ZNF385D: variants seen among roughly 807,000 people sequenced by gnomAD.
ZNF385D encodes zinc finger protein 385D.
Under a neutral mutation model 35.8 loss-of-function variants are expected in ZNF385D, and 15 were observed. The ratio of observed to expected loss-of-function variants is 0.42; its 90% CI spans 0.28 to 0.64. The LOEUF (loss-of-function observed/expected upper bound fraction) is 0.64. Ranked by LOEUF, ZNF385D falls within the 30% of genes least tolerant of loss-of-function variation. The pLI is 0.23. For missense variants in ZNF385D, 474 were observed against 494.6 expected, an observed-to-expected ratio of 0.96 and a Z score of 0.39; for synonymous variants, 212 against 186.8, an observed-to-expected ratio of 1.13 and a Z score of -1.10.
intron 4 of ZNF385D, among the ~76,000 whole-genome samples, chr3:21,456,290 T>C (rs568230625): frequency 1.8e-4 from 28 of 152,334 alleles, no homozygotes; most frequent in African/African-American, 6.7e-4. Flanking sequence ...CGCACATGTA[T>C]GTTTATTGTG....
chr3:21,481,021 C>T (rs1212002557), intron 4 of ZNF385D, among the ~76,000 whole-genome samples: 4 of 152,074 alleles, frequency 2.6e-5, no homozygotes, highest in Admixed American at 1.3e-4. Flanking sequence ...AGTTGATTAA[C>T]TGAAGCTTAC....
chr3:21,958,316 G>C (rs1050070739), intron 3 of ZNF385D, among the ~76,000 whole-genome samples: 1 of 152,100 alleles, frequency 6.6e-6, no homozygotes, highest in Admixed American at 6.6e-5. Context: ...CATGGGCTTT[G>C]CTGTCAGGCC....
intron 1 of ZNF385D, among the ~76,000 whole-genome samples, chr3:21,711,032 T>G: frequency 7.3e-6 from 1 of 137,764 alleles, no homozygotes; most frequent in African/African-American, 2.7e-5. Context: ...TCCTTATCCC[T>G]CTAAAAGTTT....
intron 2 of ZNF385D, among the ~76,000 whole-genome samples, chr3:21,650,222 T>C (rs951667682): frequency 5.3e-5 from 8 of 152,262 alleles, no homozygotes; most frequent in Admixed American, 2.6e-4. Context: ...AACTACAGAA[T>C]TGCATATTAA....
intron 2 of ZNF385D, among the ~76,000 whole-genome samples, chr3:22,334,029 T>C (rs2125465191): frequency 6.6e-6 from 1 of 152,348 alleles, no homozygotes; most frequent in South Asian, 2.1e-4. Flanking sequence ...TTATTTCATC[T>C]TACCTAGACT....
intron 3 of ZNF385D, among the ~76,000 whole-genome samples, chr3:22,008,163 A>G (rs1437885453): frequency 6.6e-6 from 1 of 152,080 alleles, no homozygotes; most frequent in African/African-American, 2.4e-5. Context: ...TTGGAACCGA[A>G]GCTCCTCATA....
chr3:21,453,074 G>A (rs1702562759), intron 4 of ZNF385D, among the ~76,000 whole-genome samples: 1 of 151,664 alleles, frequency 6.6e-6, no homozygotes, highest in South Asian at 2.1e-4. Flanking sequence ...ATACATTTAT[G>A]GCCAATTTAT....
intron 3 of ZNF385D, among the ~76,000 whole-genome samples, chr3:21,981,873 A>G (rs574805170): frequency 6.6e-6 from 1 of 152,214 alleles, no homozygotes; most frequent in South Asian, 2.1e-4. Context: ...AGATGTTCAT[A>G]GATATGTGGC....
At chr3:22,121,767 C>A (rs1232199029) in intron 3 of ZNF385D, among the ~76,000 whole-genome samples, 3 of 151,088 alleles carry the variant, frequency 2.0e-5, no homozygotes, top group South Asian at 4.2e-4. Context: ...TTCCCTTTCT[C>A]TTGGGTTTCA....
At chr3:22,187,589 G>A (rs1219244070) in intron 2 of ZNF385D, among the ~76,000 whole-genome samples, 1 of 151,934 alleles carries the variant, frequency 6.6e-6, no homozygotes, top group Admixed American at 6.6e-5. Context: ...GAAGAAACCA[G>A]AAGGGAACAA....
chr3:21,949,554 C>CTTTTTTTTTTTT (rs372298558), intron 3 of ZNF385D, among the ~76,000 whole-genome samples: 4 of 112,912 alleles, frequency 3.5e-5, no homozygotes, highest in Admixed American at 1.1e-4. Context: ...TTCTTTCTTT[C>CTTTTTTTTTTTT]TTTTTTTTTT....
chr3:21,686,983 T>C (rs1230284334), intron 1 of ZNF385D, among the ~76,000 whole-genome samples: 1 of 152,166 alleles, frequency 6.6e-6, no homozygotes, highest in African/African-American at 2.4e-5. Context: ...TAACTTGTCT[T>C]GACCAGTGGA....
chr3:22,167,041 C>G (rs1255744160), intron 3 of ZNF385D, among the ~76,000 whole-genome samples: 2 of 152,190 alleles, frequency 1.3e-5, no homozygotes, highest in African/African-American at 2.4e-5. Context: ...CTAGTGATAG[C>G]GGTAGGAAGC....
intron 3 of ZNF385D, among the ~76,000 whole-genome samples, chr3:21,881,161 A>G (rs1436572227): frequency 1.3e-5 from 2 of 151,866 alleles, no homozygotes; most frequent in East Asian, 1.9e-4. Flanking sequence ...AGGAAGCTAC[A>G]GTACACAACA....
intron 3 of ZNF385D, among the ~76,000 whole-genome samples, chr3:21,778,970 C>T (rs2071394731): frequency 1.3e-5 from 2 of 151,944 alleles, no homozygotes; most frequent in South Asian, 4.1e-4. Context: ...GCAGTGAGAA[C>T]TAAATTTTGC....
At chr3:21,943,059 G>A (rs1379632229) in intron 3 of ZNF385D, among the ~76,000 whole-genome samples, 1 of 151,972 alleles carries the variant, frequency 6.6e-6, no homozygotes, top group Non-Finnish European at 1.5e-5. Flanking sequence ...AATAAAAACT[G>A]TATCAGAAAA....
intron 2 of ZNF385D, among the ~76,000 whole-genome samples, chr3:22,247,362 A>G (rs1393102621): frequency 2.0e-5 from 3 of 152,158 alleles, no homozygotes; most frequent in Non-Finnish European, 4.4e-5. Flanking sequence ...TAAATATAAC[A>G]AATTTTCAAC....
chr3:22,237,866 T>G (rs922541461), intron 2 of ZNF385D, among the ~76,000 whole-genome samples: 2 of 143,626 alleles, frequency 1.4e-5, no homozygotes, highest in Non-Finnish European at 3.0e-5. Flanking sequence ...ATGGTCTCGA[T>G]CTCCTGATCT....
intron 2 of ZNF385D, among the ~76,000 whole-genome samples, chr3:22,247,747 G>A (rs1400434386): frequency 6.6e-6 from 1 of 152,016 alleles, no homozygotes; most frequent in African/African-American, 2.4e-5. Flanking sequence ...TGGGACTACA[G>A]GCACATGCCA....
Sources: gnomAD v4.1 joint callset for allele counts (sites outside exome capture counted in the v4.1 genomes callset) on GRCh38, gnomAD v4.1.1 for gene constraint, MANE v1.5 for transcripts, NCBI Gene and HGNC (gene_info 2026-07-23, HGNC 2026-07-21) for gene names.